Variants in KLRC2 observed in about 807,000 individuals in gnomAD.
The protein encoded by KLRC2 is NKG2-C type II integral membrane protein.
A neutral mutation model predicts 25.5 loss-of-function variants in KLRC2; 10 were observed. That is an observed-to-expected ratio of 0.39 (90% CI 0.24 to 0.67). The LOEUF (loss-of-function observed/expected upper bound fraction) is 0.67. KLRC2 is among the 30% of genes least tolerant of loss of function. KLRC2 has a pLI of 0.45. For missense variants in KLRC2, 170 were observed against 272.8 expected (o/e 0.62, Z 2.65); for synonymous variants, 48 against 93.3 (o/e 0.51, Z 2.80).
chr12:10,430,711 C>A lies in KLRC2; in HGVS notation c.*406G>T. 6.3e-6 allele frequency: 1 copy of A among 159,110 alleles called. No homozygotes were observed. 9.9% of individuals were successfully genotyped at this position (159,110 alleles called of 1,614,324 possible). ...AGTATATTCGCAGAGTTACAACCAT[C>A]ACCACTACTGAAATTTAGAAAGTTT... On this transcript the variant is annotated 3_prime_UTR_variant, in exon 6 of 6. Transcript: ENST00000381902.
intron 4 of KLRC2, 77 bp downstream of exon 4, chr12:10,433,714 C>A: frequency 7.4e-7 from 1 of 1,353,794 alleles, no homozygotes; most frequent in Non-Finnish European, 1.0e-6. Context: ...TATGTACACA[C>A]ATATGGATGT....
Position 10,430,861 on chromosome 12 carries a change from A to G in KLRC2, c.*256T>C, listed in dbSNP as rs531941997. On this transcript the variant is annotated 3_prime_UTR_variant, in exon 6 of 6. Coordinates refer to ENST00000381902, the MANE Select transcript of KLRC2 (RefSeq NM_002260.4). ...GGTTTGACTGTTCTTGGTACTTCCT[A>G]TAAGCTGACTCACATAACATGCAAC... 8 of 639,480 alleles carry G rather than the reference A, an allele frequency of 1.3e-5. 1 individual carries two copies. The East Asian group carries it at 5.5e-4, about 44-fold the overall frequency. 39.6% of individuals were successfully genotyped at this position (639,480 alleles called of 1,614,324 possible). A position where few individuals can be genotyped will look rare whatever the true frequency, so the allele number is the denominator to read the frequency against.
chr12:10,435,855 A>C lies in KLRC2; in HGVS notation c.132T>G (p.Asn44Lys). 8.0e-7 allele frequency: 1 copy of C among 1,252,992 alleles called. No individual in the cohort carries two copies. Among genetic ancestry groups the C allele is most frequent in the Non-Finnish European group, 1.1e-6 (1 of 920,570 alleles). The allele number at this position is 1,252,992 out of a possible 1,614,324, so 77.6% of individuals were successfully genotyped here. A position where few individuals can be genotyped will look rare whatever the true frequency, so the allele number is the denominator to read the frequency against. The stretch of plus-strand genomic sequence containing the variant: ...GATGATTCAGGGAAGGATTTTGAAG[A>C]TTTAATTCTACTTGGAATATTTCCT... ...TEQEIFQVEL[N>K]LQNPSLNHQG... The change falls in exon 1 of 6, where the codon AAT becomes AAG. Residue 44 changes from asparagine (N) to lysine (K), a missense_variant. By Grantham distance (94) the Asn-to-Lys change is moderately conservative (BLOSUM62 0). Coordinates refer to ENST00000381902, the MANE Select transcript of KLRC2 (RefSeq NM_002260.4).
chr12:10,435,837 C>T lies in KLRC2; in HGVS notation c.150G>A (p.Leu50=). Residue 50 remains leucine (L), a synonymous_variant, in exon 1 of 6, where the codon CTG becomes CTA. Coordinates refer to ENST00000381902, the MANE Select transcript of KLRC2 (RefSeq NM_002260.4). ...QVELNLQNPS[L]NHQGIDKIYD... ...ATATTTTATCAATCCCTTGATGATT[C>T]AGGGAAGGATTTTGAAGATTTAATT... The T allele has an allele frequency of 2.6e-6, 4 of 1,548,670 alleles. 1 individual carries two copies. The highest frequency in any genetic ancestry group is 1.7e-4 in the Middle Eastern group (1 of 5,802).
Position 10,432,174 on chromosome 12 carries a change from C to A in KLRC2, c.516G>T (p.Trp172Cys), listed in dbSNP as rs776110156. 2.0e-6 allele frequency: 3 copies of A among 1,494,686 alleles called. No homozygotes were observed. The highest frequency in any genetic ancestry group is 2.7e-6 in the Non-Finnish European group (3 of 1,103,160). The allele number at this position is 1,494,686 out of a possible 1,614,324, so 92.6% of individuals were successfully genotyped here. A position where few individuals can be genotyped will look rare whatever the true frequency, so the allele number is the denominator to read the frequency against. Reference sequence around the variant, plus strand: ...GACTGCTGTTACGAAACACACCAATCCATGAGGAAGGTAAAATGCTGGCCA... The same window carrying A: ...GACTGCTGTTACGAAACACACCAATACATGAGGAAGGTAAAATGCTGGCCA... ...KFLASILPSSWIGVFRNSSHH... is the reference protein window; with the variant it reads ...KFLASILPSSCIGVFRNSSHH... Residue 172 changes from tryptophan to cysteine, a missense_variant, in exon 5 of 6, where the codon TGG becomes TGT. By Grantham distance (215) the Trp-to-Cys change is radical (BLOSUM62 -2). Around this residue, in one of 3 missense-constraint regions of KLRC2, gnomAD observed 129 missense variants for 150.2 expected, o/e 0.86. Transcript: ENST00000381902.
intron 5 of KLRC2, 197 bp from the exon 6 acceptor site, chr12:10,431,425 C>T (rs1329621247): frequency 1.7e-6 from 1 of 585,414 alleles, no homozygotes; most frequent in African/African-American, 2.1e-5. Context: ...TTTCAAGACC[C>T]CAGTGGATGC....
Position 10,435,884 on chromosome 12 carries a change from CG to C in KLRC2, c.102del (p.Glu35AsnfsTer7). ...AATTCTACTTGGAATATTTCCTGTT[CG>C]GTTCCTGAAATGGAGCTTTTATTGC... ...PKGNKSSISG[T>X]EQEIFQVELN... is the part of the protein sequence containing the mutation. On this transcript the variant is annotated frameshift_variant, in exon 1 of 6. Coordinates refer to ENST00000381902, the MANE Select transcript of KLRC2 (RefSeq NM_002260.4). LOFTEE classifies it high-confidence loss of function. 6.3e-7 allele frequency: 1 copy of C among 1,597,286 alleles called. No individual in the cohort carries two copies. The highest frequency in any genetic ancestry group is 1.4e-5 in the African/African-American group (1 of 71,498).
intron 5 of KLRC2, among the ~76,000 whole-genome samples, chr12:10,431,801 C>T (rs149554896): frequency 0.02 from 2,680 of 134,554 alleles, 400 homozygotes; most frequent in Non-Finnish European, 0.021. Context: ...TTTAGCTCGT[C>T]AGCTATCGTT....
At position 10,435,884 on chromosome 12, in the gene KLRC2, C is replaced by A. The variant is rs777296375; in HGVS notation, c.103G>T (p.Glu35Ter). Residue 35 changes from glutamate (E) to a stop codon, truncating the protein, a stop_gained, in exon 1 of 6, where the codon GAA (glutamate) becomes TAA (stop). Coordinates refer to ENST00000381902, the MANE Select transcript of KLRC2 (RefSeq NM_002260.4). LOFTEE classifies it high-confidence loss of function. ...AATTCTACTTGGAATATTTCCTGTT[C>A]GGTTCCTGAAATGGAGCTTTTATTG... Reference protein sequence around the residue: ...KGNKSSISGTEQEIFQVELNL... With the variant: ...KGNKSSISGT 6 of 1,597,286 alleles carry A rather than the reference C, an allele frequency of 3.8e-6. 1 individual carries two copies. In the East Asian group the frequency reaches 1.1e-4, roughly 31 times the overall value.
rs115281611 is a variant in KLRC2 at position 10,431,609 on chromosome 12, T to C, written c.585-381A>G. Among the ~76,000 whole-genome samples, 402 of 142,268 alleles carry C rather than the reference T, an allele frequency of 2.8e-3. 81 individuals carry two copies. Among genetic ancestry groups the C allele is most frequent in the African/African-American group, 0.011 (395 of 37,332 alleles). 93.3% of individuals were successfully genotyped at this position (142,268 alleles called of 152,430 possible). On this transcript the variant is annotated intron_variant, in intron 5 of 5. Transcript: ENST00000381902. ...GCACTATTATTGTGCTTTGAGGATATTCTTAAGTAAAAAAGTAAGCGTGGC... is the reference window on the plus strand; with the variant it reads ...GCACTATTATTGTGCTTTGAGGATACTCTTAAGTAAAAAAGTAAGCGTGGC...
rs1215969092 is a variant in KLRC2, at chr12:10,435,874, A to G, written c.113T>C (p.Ile38Thr). 2 of 1,592,854 alleles carry G rather than the reference A, an allele frequency of 1.3e-6. No homozygotes were observed. Among genetic ancestry groups the G allele is most frequent in the Non-Finnish European group, 1.7e-6 (2 of 1,169,246 alleles). ...TTGAAGATTTAATTCTACTTGGAATATTTCCTGTTCGGTTCCTGAAATGGA... is the reference window on the plus strand; with the variant it reads ...TTGAAGATTTAATTCTACTTGGAATGTTTCCTGTTCGGTTCCTGAAATGGA... ...KSSISGTEQE[I>T]FQVELNLQNP... Residue 38 changes from isoleucine (I) to threonine (T), a missense_variant, in exon 1 of 6, where the codon ATA becomes ACA. Around this residue, in one of 3 missense-constraint regions of KLRC2, gnomAD observed 37 missense variants for 68.0 expected, o/e 0.54. Transcript: ENST00000381902.
chr12:10,434,844 A>G, intron 2 of KLRC2: 1 of 344,332 alleles, frequency 2.9e-6, no homozygotes, highest in South Asian at 3.2e-5. Flanking sequence ...TTGTGTGTGT[A>G]TGTATATACA....
chr12:10,430,881 T>C lies in KLRC2; in HGVS notation c.*236A>G, dbSNP rs1168641751. 25 of 863,792 alleles carry C rather than the reference T, an allele frequency of 2.9e-5. 2 individuals are homozygous for C. The highest frequency in any genetic ancestry group is 1.2e-4 in the Admixed American group (3 of 25,270). 53.5% of individuals were successfully genotyped at this position (863,792 alleles called of 1,614,324 possible). On this transcript the variant is annotated 3_prime_UTR_variant, in exon 6 of 6. Coordinates refer to ENST00000381902, the MANE Select transcript of KLRC2 (RefSeq NM_002260.4). ...TTCCTATAAGCTGACTCACATAACATGCAACTTTTAGAAAGGCTGAAAACC... is the reference window on the plus strand; with the variant it reads ...TTCCTATAAGCTGACTCACATAACACGCAACTTTTAGAAAGGCTGAAAACC...
rs867316956 is a variant in KLRC2 at position 10,430,743 on chromosome 12, C to T, written c.*374G>A. ...ACTGAAATTTAGAAAGTTTTCATCA[C>T]GACACAAAGAAACGTTCTATCAATT... On this transcript the variant is annotated 3_prime_UTR_variant, in exon 6 of 6. Coordinates refer to ENST00000381902, the MANE Select transcript of KLRC2 (RefSeq NM_002260.4). The T allele has an allele frequency of 1.4e-4, 23 of 169,238 alleles. 2 individuals are homozygous for T. In the South Asian group the frequency reaches 1.8e-3, roughly 13 times the overall value. The allele number at this position is 169,238 out of a possible 1,614,324, so 10.5% of individuals were successfully genotyped here.
At position 10,431,226 on chromosome 12, in the gene KLRC2, A is replaced by T. The variant is rs1475515026; in HGVS notation, c.587T>A (p.Ile196Lys). ...TINGLAFKHK[I>K]KDSDNAELNC... Reference sequence around the variant, plus strand: ...AAGTTCAGCATTATCTGAGTCTTTTATCCTGTAATGGAGAAAAATCCATTT... The same window carrying T: ...AAGTTCAGCATTATCTGAGTCTTTTTTCCTGTAATGGAGAAAAATCCATTT... Residue 196 changes from isoleucine (I) to lysine (K), a missense_variant and splice_region_variant, in exon 6 of 6, where the codon ATA becomes AAA. Ile to Lys is a moderately radical substitution (Grantham distance 102). Transcript: ENST00000381902. 6.5e-7 allele frequency: 1 copy of T among 1,540,594 alleles called. No individual in the cohort carries two copies. The highest frequency in any genetic ancestry group is 1.5e-5 in the African/African-American group (1 of 68,258).
chr12:10,433,960 T>C lies in KLRC2; in HGVS notation c.332-18A>G, dbSNP rs569498977. The C allele has an allele frequency of 1.2e-4, 191 of 1,543,540 alleles. 26 individuals are homozygous for C. Among genetic ancestry groups the C allele is most frequent in the Non-Finnish European group, 1.5e-4 (168 of 1,132,748 alleles). On this transcript the variant is annotated intron_variant, in intron 3 of 5. Coordinates refer to ENST00000381902, the MANE Select transcript of KLRC2 (RefSeq NM_002260.4). ...ATGACGTGCTAATAAAGATATGAAT[T>C]ACTATCTAGACCAATATGAATTTTT...
intron 5 of KLRC2, 37 bp from the exon 6 acceptor site, chr12:10,431,265 A>T (rs1863808996): frequency 6.6e-7 from 1 of 1,515,156 alleles, no homozygotes; most frequent in African/African-American, 1.5e-5. Flanking sequence ...GTTACATTTT[A>T]AGCAAATGAT....
chr12:10,432,083 T>C lies in KLRC2; in HGVS notation c.584+23A>G. On this transcript the variant is annotated intron_variant, in intron 5 of 5. Transcript: ENST00000381902. The stretch of plus-strand genomic sequence containing the variant: ...TTATCCTTTATATATATTTTTTATA[T>C]AGCGCCATACAAAAGAACTTACTTA... 2 of 1,434,600 alleles carry C rather than the reference T, an allele frequency of 1.4e-6. 1 individual carries two copies. The highest frequency in any genetic ancestry group is 3.1e-5 in the African/African-American group (2 of 64,930). The allele number at this position is 1,434,600 out of a possible 1,614,324, so 88.9% of individuals were successfully genotyped here. A position where few individuals can be genotyped will look rare whatever the true frequency, so the allele number is the denominator to read the frequency against.
At chr12:10,431,327 A>G in intron 5 of KLRC2, 99 bp from the exon 6 acceptor site, 1 of 1,395,110 alleles carries the variant, frequency 7.2e-7, no homozygotes, top group Non-Finnish European at 9.9e-7. Context: ...TTTCATGGAA[A>G]AGGGTAATTA....
Sources: allele counts gnomAD v4.1 joint callset (sites outside exome capture counted in the v4.1 genomes callset), GRCh38; gene constraint gnomAD v4.1.1; regional missense constraint gnomAD v4.1.1; transcripts MANE v1.5; gene names NCBI Gene and HGNC (gene_info 2026-07-23, HGNC 2026-07-21).